ITGAD: variants seen among roughly 807,000 people sequenced by gnomAD.
ITGAD encodes integrin subunit alpha D.
In ITGAD, 105 loss-of-function variants were observed where a neutral mutation model predicts 139.0. The observed-to-expected ratio is 0.76, with a 90% CI of 0.65 to 0.89. The LOEUF (loss-of-function observed/expected upper bound fraction) is 0.89, where lower values mean the gene tolerates loss of function less well. Among genes scored for constraint, ITGAD ranks in the 40% least tolerant of loss-of-function variants. ITGAD has a pLI of 0.00. For missense variants in ITGAD, 1,384 were observed against 1,487.3 expected (o/e 0.93, Z 1.14); for synonymous variants, 569 against 598.3 (o/e 0.95, Z 0.71).
At chr16:31,416,673 G>GA in intron 20 of ITGAD, 27 bp downstream of exon 20, 1 of 1,586,178 alleles carries the variant, frequency 6.3e-7, no homozygotes, top group Non-Finnish European at 8.6e-7. Flanking sequence ...GCTCTAGTGG[G>GA]AGGGGGCCTC....
Position 31,412,911 on chromosome 16 carries a change from C to G in ITGAD, c.1781C>G (p.Thr594Ser), listed in dbSNP as rs756107108. Residue 594 changes from threonine (T) to serine (S), a missense_variant, in exon 15 of 30, where the codon ACC (threonine) becomes AGC (serine). By Grantham distance (58) the Thr-to-Ser change is moderately conservative. Transcript: ENST00000389202. ...GCGCTGAGTGGGGGTCAGGACCTCACCCAGGATGGACTGATGGACCTGGCC... is the reference window on the plus strand; with the variant it reads ...GCGCTGAGTGGGGGTCAGGACCTCAGCCAGGATGGACTGATGGACCTGGCC... Reference protein sequence around the residue: ...GQALSGGQDLTQDGLMDLAVG... With the variant: ...GQALSGGQDLSQDGLMDLAVG... 82 of 1,613,670 alleles carry G rather than the reference C, an allele frequency of 5.1e-5. No homozygotes were observed. The highest frequency in any genetic ancestry group is 6.7e-5 in the Admixed American group (4 of 59,936).
chr16:31,412,564 T>C (rs534643885), intron 14 of ITGAD, among the ~76,000 whole-genome samples: 9 of 152,280 alleles, frequency 5.9e-5, no homozygotes, highest in Admixed American at 2.0e-4. Flanking sequence ...TCGTGGCTCA[T>C]ACGTGGAGGA....
In ITGAD at chr16:31,402,142, T is replaced by C. The variant is rs1316518627; in HGVS notation, c.455T>C (p.Val152Ala). ...TGTCCACATCAAGAGATGGACATCG[T>C]CTTCCTGATTGACGGCTCTGGAAGC... ...PECPHQEMDI[V>A]FLIDGSGSID... Residue 152 changes from valine to alanine, a missense_variant, in exon 6 of 30, where the codon GTC becomes GCC. Val to Ala is a moderately conservative substitution (Grantham distance 64). Transcript: ENST00000389202. 8 of 1,613,930 alleles carry C rather than the reference T, an allele frequency of 5.0e-6. No homozygotes were observed. The Admixed American group carries it at 1.3e-4, about 27-fold the overall frequency.
chr16:31,418,027 C>T, intron 20 of ITGAD, 48 bp from the exon 21 acceptor site: 1 of 1,447,258 alleles, frequency 6.9e-7, no homozygotes, highest in Non-Finnish European at 9.7e-7. Context: ...TGTATCAAGC[C>T]CACACATGCA....
intron 10 of ITGAD, 116 bp from the exon 11 acceptor site, chr16:31,410,279 G>C: frequency 1.4e-6 from 2 of 1,438,276 alleles, no homozygotes; most frequent in Admixed American, 1.8e-5. Flanking sequence ...GGTGCGGGCC[G>C]GGAAGACAGA....
At chr16:31,419,812 C>CA (rs1202333629) in intron 23 of ITGAD, among the ~76,000 whole-genome samples, 4,330 of 57,208 alleles carry the variant, frequency 0.076, 187 homozygotes, top group African/African-American at 0.14. Context: ...GGCTCTGTCT[C>CA]AAAAAAAAAA....
Position 31,413,003 on chromosome 16 carries a change from G to A in ITGAD, c.1838+35G>A, listed in dbSNP as rs1468967682. On this transcript the variant is annotated intron_variant, in intron 15 of 29. Coordinates refer to ENST00000389202, the MANE Select transcript of ITGAD (RefSeq NM_005353.3). The stretch of plus-strand genomic sequence containing the variant: ...CCCCAACATCCTGCCCTCCCGCGCT[G>A]TGTCTGATTCACCGGTGCTGCCTCC... 8 of 1,603,018 alleles carry A rather than the reference G, an allele frequency of 5.0e-6. No individual in the cohort carries two copies. The Admixed American group carries it at 1.2e-4, about 24-fold the overall frequency.
intron 23 of ITGAD, 120 bp from the exon 24 acceptor site, chr16:31,422,994 T>A (rs1344566557): frequency 7.0e-5 from 57 of 811,748 alleles, no homozygotes; most frequent in Admixed American, 1.9e-5. Context: ...CCCGGCCAAA[T>A]AATGTCCATC....
chr16:31,412,694 T>C, intron 14 of ITGAD, 144 bp from the exon 15 acceptor site: 1 of 1,011,170 alleles, frequency 9.9e-7, no homozygotes, highest in Non-Finnish European at 1.5e-6. Context: ...ACCTCCTCTT[T>C]TCAGGCTCTT....
At chr16:31,424,269 T>C in intron 28 of ITGAD, 66 bp downstream of exon 28, 1 of 1,588,756 alleles carries the variant, frequency 6.3e-7, no homozygotes, top group Non-Finnish European at 8.6e-7. Flanking sequence ...TCTGTGGTGC[T>C]GGGTGGGGGG....
intron 14 of ITGAD, among the ~76,000 whole-genome samples, chr16:31,412,494 C>T (rs1475430622): frequency 1.3e-5 from 2 of 152,188 alleles, no homozygotes; most frequent in Non-Finnish European, 2.9e-5. Context: ...CTCTGGCCAG[C>T]GGGTTGCTGG....
Position 31,423,403 on chromosome 16 carries a change from C to A in ITGAD, c.2911C>A (p.Pro971Thr). The change falls in exon 25 of 30, where the codon CCT (proline) becomes ACT (threonine). Residue 971 changes from proline (P) to threonine (T), a missense_variant. Physicochemically the swap from Pro to Thr is conservative, Grantham distance 38. Transcript: ENST00000389202. ...DLAISINFWVPVLLNGVAVWD... is the reference protein window; with the variant it reads ...DLAISINFWVTVLLNGVAVWD... ...GGCCATCAGCATTAACTTCTGGGTT[C>A]CTGTCCTGCTGAACGGGGTGGCTGT... 6.2e-7 allele frequency: 1 copy of A among 1,614,160 alleles called. No homozygotes were observed.
At chr16:31,425,052 C>T (rs1328329356) in intron 29 of ITGAD, among the ~76,000 whole-genome samples, 1 of 152,112 alleles carries the variant, frequency 6.6e-6, no homozygotes, top group Non-Finnish European at 1.5e-5. Context: ...GTTGCTCCAC[C>T]TCTCTAAGCC....
Position 31,410,795 on chromosome 16 carries a change from C to A in ITGAD, c.1273C>A (p.Arg425Ser). The change falls in exon 12 of 30, where the codon CGC (arginine) becomes AGC (serine). Residue 425 changes from arginine (R) to serine (S), a missense_variant. Arg to Ser is a moderately radical substitution (Grantham distance 110). Coordinates refer to ENST00000389202, the MANE Select transcript of ITGAD (RefSeq NM_005353.3). ...ACAGAACCTGGTCCTGGGGGCCCCC[C>A]GCTACCAGCATACCGGGAAGGCTGT... ...GVQNLVLGAPRYQHTGKAVIF... is the reference protein window; with the variant it reads ...GVQNLVLGAPSYQHTGKAVIF... The A allele has an allele frequency of 6.2e-7, 1 of 1,613,812 alleles. No homozygotes were observed. The highest frequency in any genetic ancestry group is 1.1e-5 in the South Asian group (1 of 91,084).
intron 10 of ITGAD, 122 bp from the exon 11 acceptor site, chr16:31,410,273 C>T (rs887084051): frequency 4.0e-5 from 55 of 1,361,590 alleles, no homozygotes; most frequent in Admixed American, 1.1e-4. Flanking sequence ...GCTGCTGGTG[C>T]GGGCCGGGAA....
In ITGAD at chr16:31,423,435, T is replaced by C. The variant is rs144647700; in HGVS notation, c.2943T>C (p.Asp981=). 41 of 1,613,990 alleles carry C rather than the reference T, an allele frequency of 2.5e-5. No individual in the cohort carries two copies. Among genetic ancestry groups the C allele is most frequent in the Middle Eastern group, 1.6e-4 (1 of 6,084 alleles). ...TGCTGAACGGGGTGGCTGTGTGGGA[T>C]GTGGTCATGGAGGCCCCATCTCAGG... ...PVLLNGVAVW[D]VVMEAPSQSL... Residue 981 remains aspartate (D), a synonymous_variant, in exon 25 of 30, where the codon GAT becomes GAC. Coordinates refer to ENST00000389202, the MANE Select transcript of ITGAD (RefSeq NM_005353.3).
intron 10 of ITGAD, 40 bp from the exon 11 acceptor site, chr16:31,410,355 G>A (rs370131104): frequency 8.9e-5 from 143 of 1,613,078 alleles, no homozygotes; most frequent in Admixed American, 8.8e-4. Context: ...CTGTCTTCCC[G>A]CTCTAGTCTC....
chr16:31,407,960 C>T (rs1353460924), intron 9 of ITGAD, 44 bp downstream of exon 9: 3 of 1,518,292 alleles, frequency 2.0e-6, no homozygotes, highest in African/African-American at 2.8e-5. Context: ...GGGGTCCCCA[C>T]CCAATTGTCC....
intron 2 of ITGAD, 70 bp downstream of exon 2, chr16:31,394,411 AC>A: frequency 8.1e-7 from 1 of 1,240,886 alleles, no homozygotes. Flanking sequence ...CACGTGGGTT[AC>A]CCCAGGGAGG....
Sources: gnomAD v4.1 joint callset for allele counts (sites outside exome capture counted in the v4.1 genomes callset) on GRCh38, gnomAD v4.1.1 for gene constraint, MANE v1.5 for transcripts, NCBI Gene and HGNC (gene_info 2026-07-23, HGNC 2026-07-21) for gene names.